RFX6: variants seen among roughly 807,000 people sequenced by gnomAD.
RFX6 encodes DNA-binding protein RFX6.
RFX6 carries 50 observed loss-of-function variants against 110.8 expected under a neutral mutation model. The ratio of observed to expected loss-of-function variants is 0.45; its 90% CI spans 0.36 to 0.57. The LOEUF (loss-of-function observed/expected upper bound fraction) is 0.57. RFX6 is among the 20% of genes least tolerant of loss of function. RFX6 has a pLI of 0.00. For missense variants in RFX6, 990 were observed against 1,127.0 expected, an observed-to-expected ratio of 0.88 and a Z score of 1.74; for synonymous variants, 383 against 411.2, an observed-to-expected ratio of 0.93 and a Z score of 0.83.
intron 6 of RFX6, among the ~76,000 whole-genome samples, chr6:116,906,599 GT>G (rs1414855549): frequency 6.6e-6 from 1 of 151,938 alleles, no homozygotes; most frequent in Non-Finnish European, 1.5e-5. Flanking sequence ...TAGTTTTTAA[GT>G]ATTTTATTCT....
At chr6:116,917,130 A>G (rs1388119793) in intron 9 of RFX6, among the ~76,000 whole-genome samples, 1 of 152,162 alleles carries the variant, frequency 6.6e-6, no homozygotes, top group Non-Finnish European at 1.5e-5. Context: ...GTAAAGCAAA[A>G]GCTATTTATA....
chr6:116,922,282 C>A, intron 13 of RFX6, 131 bp downstream of exon 13: 1 of 686,404 alleles, frequency 1.5e-6, no homozygotes, highest in South Asian at 1.6e-5. Flanking sequence ...GCTTTTGATG[C>A]TCTACGAATA....
Position 116,931,463 on chromosome 6 carries a change from C to G in RFX6, c.2744C>G (p.Pro915Arg). 6.2e-7 allele frequency: 1 copy of G among 1,613,522 alleles called. No homozygotes were observed. Among genetic ancestry groups the G allele is most frequent in the Non-Finnish European group, 8.5e-7 (1 of 1,179,506 alleles). The change falls in exon 19 of 19, where the codon CCT becomes CGT. Residue 915 changes from proline to arginine, a missense_variant. This residue lies in a region of RFX6 where 438 missense variants were observed against 441.9 expected (regional missense o/e 0.99). Transcript: ENST00000332958. ...SSREMVSSLP[P>R]INTVFMGTAA... ...AGAGAAATGGTGTCCTCTTTACCAC[C>G]TATCAACACTGTGTTCATGGGAACA...
chr6:116,917,804 A>C (rs1775500501), intron 9 of RFX6, among the ~76,000 whole-genome samples: 1 of 152,134 alleles, frequency 6.6e-6, no homozygotes. Flanking sequence ...ATCCATTGGT[A>C]ATTAACATAC....
intron 9 of RFX6, 27 bp downstream of exon 9, chr6:116,916,341 T>C: frequency 7.7e-7 from 1 of 1,302,342 alleles, no homozygotes; most frequent in Non-Finnish European, 1.1e-6. Flanking sequence ...GTCTTAAACA[T>C]GAGCCATTTA....
chr6:116,888,431 G>C (rs1297373007), intron 4 of RFX6, among the ~76,000 whole-genome samples: 1 of 152,068 alleles, frequency 6.6e-6, no homozygotes, highest in Non-Finnish European at 1.5e-5. Flanking sequence ...TCTGTCATTT[G>C]ACATAAGATT....
At chr6:116,919,043 T>C (rs997638177) in intron 10 of RFX6, 94 bp from the exon 11 acceptor site, 1 of 1,169,214 alleles carries the variant, frequency 8.6e-7, no homozygotes. Context: ...GTACTGCTTA[T>C]GAAACCATAG....
chr6:116,890,217 C>G (rs1337628820), intron 4 of RFX6, among the ~76,000 whole-genome samples: 2 of 152,050 alleles, frequency 1.3e-5, no homozygotes, highest in Non-Finnish European at 2.9e-5. Flanking sequence ...CATTTTTAAA[C>G]AAATCACATA....
chr6:116,897,004 A>C (rs1487050253), intron 6 of RFX6, among the ~76,000 whole-genome samples: 1 of 152,172 alleles, frequency 6.6e-6, no homozygotes, highest in Non-Finnish European at 1.5e-5. Context: ...GCCCTTCCAG[A>C]GCTTTACAGT....
At chr6:116,903,003 C>T (rs1290837463) in intron 6 of RFX6, among the ~76,000 whole-genome samples, 1 of 151,854 alleles carries the variant, frequency 6.6e-6, no homozygotes, top group Non-Finnish European at 1.5e-5. Flanking sequence ...CCAAGAGTAC[C>T]GAAGTTATCA....
At chr6:116,890,418 G>A (rs1257654873) in intron 4 of RFX6, among the ~76,000 whole-genome samples, 4 of 151,988 alleles carry the variant, frequency 2.6e-5, no homozygotes, top group Non-Finnish European at 5.9e-5. Context: ...TTCTCTGTTT[G>A]CATTATTTGT....
intron 1 of RFX6, 37 bp from the exon 2 acceptor site, chr6:116,877,759 T>G (rs1449086412): frequency 6.2e-7 from 1 of 1,609,112 alleles, no homozygotes; most frequent in Middle Eastern, 1.7e-4. Flanking sequence ...GATTTTATAT[T>G]CTATTTTTCT....
intron 4 of RFX6, among the ~76,000 whole-genome samples, chr6:116,888,998 A>G (rs1216814411): frequency 6.6e-6 from 1 of 152,132 alleles, no homozygotes; most frequent in Non-Finnish European, 1.5e-5. Flanking sequence ...ACCTAGTTAG[A>G]CTAAAAGGAA....
chr6:116,918,155 A>C (rs1333033391), intron 10 of RFX6, 69 bp downstream of exon 10: 1 of 1,049,578 alleles, frequency 9.5e-7, no homozygotes, highest in African/African-American at 1.6e-5. Flanking sequence ...TATTAGAAGA[A>C]AACATTAGGT....
intron 6 of RFX6, among the ~76,000 whole-genome samples, chr6:116,904,992 A>G (rs552180976): frequency 2.6e-5 from 4 of 152,224 alleles, no homozygotes; most frequent in African/African-American, 4.8e-5. Context: ...TGGATGTACA[A>G]ATATCTCTTT....
In RFX6 at chr6:116,919,818, G is replaced by A. The variant is rs964864909; in HGVS notation, c.1183-492G>A. Among the ~76,000 whole-genome samples the A allele has an allele frequency of 3.9e-5, 6 of 152,202 alleles. No homozygotes were observed. The South Asian group carries it at 1.2e-3, about 32-fold the overall frequency. ...AAGTAATTCATAAGTTAAGAATGATGCATTTGTATATTGTTAAAATATATT... is the reference window on the plus strand; with the variant it reads ...AAGTAATTCATAAGTTAAGAATGATACATTTGTATATTGTTAAAATATATT... On this transcript the variant is annotated intron_variant, in intron 11 of 18. Transcript: ENST00000332958.
intron 6 of RFX6, among the ~76,000 whole-genome samples, chr6:116,896,884 G>C (rs1774959836): frequency 1.3e-5 from 2 of 152,094 alleles, no homozygotes; most frequent in African/African-American, 4.8e-5. Flanking sequence ...TTTTTTAAGA[G>C]GTCAGAGAAA....
In RFX6 at chr6:116,877,349, A is replaced by T; in HGVS notation, c.74A>T (p.Gln25Leu). The T allele has an allele frequency of 6.2e-7, 1 of 1,612,838 alleles. No homozygotes were observed. Among genetic ancestry groups the T allele is most frequent in the Non-Finnish European group, 8.5e-7 (1 of 1,179,556 alleles). Residue 25 changes from glutamine to leucine, a missense_variant, in exon 1 of 19, where the codon CAG (glutamine) becomes CTG (leucine). Coordinates refer to ENST00000332958, the MANE Select transcript of RFX6 (RefSeq NM_173560.4). ...QPAPQLSPGI[Q>L]EDCCVQLLGK... The stretch of plus-strand genomic sequence containing the variant: ...GCGCCCCAACTGTCCCCGGGGATCC[A>T]GGAAGACTGCTGTGTGCAGCTCCTG...
chr6:116,896,681 C>G (rs993836219), intron 6 of RFX6, among the ~76,000 whole-genome samples: 5 of 148,806 alleles, frequency 3.4e-5, no homozygotes, highest in African/African-American at 1.2e-4. Flanking sequence ...GTATTCTAGC[C>G]TAGGCAACAG....
Sources: gnomAD v4.1 joint callset for allele counts (sites outside exome capture counted in the v4.1 genomes callset) on GRCh38, gnomAD v4.1.1 for gene constraint, gnomAD v4.1.1 regional missense constraint, MANE v1.5 for transcripts, NCBI Gene and HGNC (gene_info 2026-07-23, HGNC 2026-07-21) for gene names.